The following HS3ST3A1 variants were observed in gnomAD, a reference collection of about 807,000 sequenced individuals.
HS3ST3A1 encodes the protein heparan sulfate glucosamine 3-O-sulfotransferase 3A1.
HS3ST3A1 carries 19 observed loss-of-function variants against 25.7 expected under a neutral mutation model. That is an observed-to-expected ratio of 0.74 (90% CI 0.52 to 1.08). The LOEUF (loss-of-function observed/expected upper bound fraction) is 1.08, where lower values mean the gene tolerates loss of function less well. Among genes scored for constraint, HS3ST3A1 ranks in the 50% least tolerant of loss-of-function variants. HS3ST3A1 has a pLI of 0.00. For synonymous variants in HS3ST3A1, 226 were observed against 278.6 expected (o/e 0.81, Z 1.88); for missense variants, 459 against 594.3 (o/e 0.77, Z 2.37).
chr17:13,523,018 G>GA (rs1384793522), intron 1 of HS3ST3A1, among the ~76,000 whole-genome samples: 1 of 151,468 alleles, frequency 6.6e-6, no homozygotes, highest in African/African-American at 2.4e-5. Context: ...CGAATACTTA[G>GA]AAAAAAAATA....
At chr17:13,529,909 A>G (rs1906550119) in intron 1 of HS3ST3A1, among the ~76,000 whole-genome samples, 1 of 152,176 alleles carries the variant, frequency 6.6e-6, no homozygotes, top group Non-Finnish European at 1.5e-5. Context: ...ATTGTATTAT[A>G]TATTAAGAAT....
In HS3ST3A1 at chr17:13,600,915, G is replaced by A; in HGVS notation, c.215C>T (p.Ala72Val). 1 of 1,527,464 alleles carries A rather than the reference G, an allele frequency of 6.5e-7. No individual in the cohort carries two copies. The highest frequency in any genetic ancestry group is 1.2e-5 in the South Asian group (1 of 82,274). The allele number at this position is 1,527,464 out of a possible 1,614,324, so 94.6% of individuals were successfully genotyped here. A position where few individuals can be genotyped will look rare whatever the true frequency, so the allele number is the denominator to read the frequency against. Residue 72 changes from alanine (A) to valine (V), a missense_variant, in exon 1 of 2, where the codon GCC (alanine) becomes GTC (valine). Coordinates refer to ENST00000284110, the MANE Select transcript of HS3ST3A1 (RefSeq NM_006042.3). ...EAGAPGGGVL[A>V]GGPRELAVWP... is the part of the protein sequence containing the mutation. ...CACCGCCAGCTCCCTCGGGCCTCCG[G>A]CCAGGACGCCGCCACCAGGGGCCCC...
intron 1 of HS3ST3A1, among the ~76,000 whole-genome samples, chr17:13,573,536 ATCTGATGATTCTTCCTCTCCAG>A (rs1907871917): frequency 6.6e-6 from 1 of 152,186 alleles, no homozygotes; most frequent in South Asian, 2.1e-4. Flanking sequence ...AGAAATCGAA[ATCTGATGATTCTTCCTCTCCAG>A]TCTTTCCTGG....
chr17:13,571,828 C>A (rs892390804), intron 1 of HS3ST3A1, among the ~76,000 whole-genome samples: 1 of 152,152 alleles, frequency 6.6e-6, no homozygotes, highest in Non-Finnish European at 1.5e-5. Flanking sequence ...GGCATGATCT[C>A]GGCTCACTGC....
intron 1 of HS3ST3A1, among the ~76,000 whole-genome samples, chr17:13,556,681 G>A (rs112736475): frequency 1.1e-4 from 16 of 151,574 alleles, no homozygotes; most frequent in African/African-American, 3.6e-4. Context: ...GTGAAACCCT[G>A]TCTCTACTAA....
chr17:13,595,098 C>T (rs1338667302), intron 1 of HS3ST3A1, among the ~76,000 whole-genome samples: 1 of 151,910 alleles, frequency 6.6e-6, no homozygotes, highest in Non-Finnish European at 1.5e-5. Flanking sequence ...TCTCTTTTCA[C>T]ATTTATTGTC....
chr17:13,520,757 GGCAC>G (rs1265744510), intron 1 of HS3ST3A1, among the ~76,000 whole-genome samples: 3 of 151,954 alleles, frequency 2.0e-5, no homozygotes, highest in African/African-American at 7.3e-5. Context: ...TGGGATTACA[GGCAC>G]CCACCAGGCC....
chr17:13,519,543 AATG>A lies in HS3ST3A1; in HGVS notation c.600-22728_600-22726del, dbSNP rs747391490. 7.5e-3 allele frequency among the ~76,000 whole-genome samples: 1,140 copies of A among 151,942 alleles called. 5 individuals are homozygous for A. The highest frequency in any genetic ancestry group is 0.016 in the African/African-American group (659 of 41,456). On this transcript the variant is annotated intron_variant, in intron 1 of 1. Transcript: ENST00000284110. ...ATAAGCTGAAAGTGCTTAGAATAGC[AATG>A]ATGATGATGATGATGATGATGGTGA...
At chr17:13,526,452 A>T (rs1254097626) in intron 1 of HS3ST3A1, among the ~76,000 whole-genome samples, 1 of 133,450 alleles carries the variant, frequency 7.5e-6, no homozygotes, top group African/African-American at 2.8e-5. Context: ...TGCCATATTG[A>T]ACTTGGATAC....
chr17:13,524,917 G>T (rs1361195225), intron 1 of HS3ST3A1, among the ~76,000 whole-genome samples: 3 of 152,062 alleles, frequency 2.0e-5, no homozygotes, highest in Admixed American at 1.3e-4. Flanking sequence ...CTACATAAAG[G>T]TTCATAAATA....
intron 1 of HS3ST3A1, among the ~76,000 whole-genome samples, chr17:13,538,115 C>T (rs186033257): frequency 6.6e-6 from 1 of 152,322 alleles, no homozygotes; most frequent in East Asian, 1.9e-4. Context: ...CACATCATCT[C>T]TATAGTGTTT....
chr17:13,600,376 G>GAAGGC (rs1555543761), intron 1 of HS3ST3A1, among the ~76,000 whole-genome samples, 155 bp downstream of exon 1: 3 of 152,186 alleles, frequency 2.0e-5, no homozygotes, highest in Non-Finnish European at 4.4e-5. Context: ...CCAGGAAGGA[G>GAAGGC]AAGGCGGAGA....
chr17:13,499,144 CAG>C (rs1258811980), intron 1 of HS3ST3A1, among the ~76,000 whole-genome samples: 2 of 152,128 alleles, frequency 1.3e-5, no homozygotes, highest in Admixed American at 6.5e-5. Flanking sequence ...ACGTGAACAC[CAG>C]AGAGTTTGGT....
rs530395896 is a variant in HS3ST3A1 at position 13,596,259 on chromosome 17, A to T, written c.599+4272T>A. Among the ~76,000 whole-genome samples, 7 of 152,182 alleles carry T rather than the reference A, an allele frequency of 4.6e-5. No homozygotes were observed. In the East Asian group the frequency reaches 1.4e-3, roughly 30 times the overall value. The stretch of plus-strand genomic sequence containing the variant: ...GTTTTTGGTGTTGTTTAATGCCCGG[A>T]CTATGATCTCAATAGTGTCCCCAAA... On this transcript the variant is annotated intron_variant, in intron 1 of 1. Coordinates refer to ENST00000284110, the MANE Select transcript of HS3ST3A1 (RefSeq NM_006042.3).
intron 1 of HS3ST3A1, among the ~76,000 whole-genome samples, chr17:13,510,494 G>T (rs967326155): frequency 7.2e-5 from 11 of 152,252 alleles, no homozygotes; most frequent in African/African-American, 2.4e-4. Context: ...GTTGTTGGTT[G>T]TTTGTTCATT....
chr17:13,543,417 AT>A (rs11395087), intron 1 of HS3ST3A1: 19 of 163,262 alleles, frequency 1.2e-4, no homozygotes, highest in East Asian at 2.0e-4. Context: ...GAGAAAAAAT[AT>A]TTTTTTTTCT....
chr17:13,601,215 G>A lies in HS3ST3A1; in HGVS notation c.-86C>T. Reference sequence around the variant, plus strand: ...GCCAGAGCATCCCCCCGGCGGGCCAGCGCGCTGGACGGAGGCCACATCGCC... The same window carrying A: ...GCCAGAGCATCCCCCCGGCGGGCCAACGCGCTGGACGGAGGCCACATCGCC... On this transcript the variant is annotated 5_prime_UTR_variant, in exon 1 of 2. Transcript: ENST00000284110. The A allele has an allele frequency of 9.3e-7, 1 of 1,080,304 alleles. No homozygotes were observed. Among genetic ancestry groups the A allele is most frequent in the Non-Finnish European group, 1.3e-6 (1 of 795,496 alleles). The allele number at this position is 1,080,304 out of a possible 1,614,324, so 66.9% of individuals were successfully genotyped here. A position where few individuals can be genotyped will look rare whatever the true frequency, so the allele number is the denominator to read the frequency against.
chr17:13,524,327 G>A (rs1045374477), intron 1 of HS3ST3A1, among the ~76,000 whole-genome samples: 17 of 152,090 alleles, frequency 1.1e-4, no homozygotes, highest in African/African-American at 2.7e-4. Context: ...ACATGATCTC[G>A]GCTCACTGCA....
At chr17:13,585,295 G>C (rs1362918034) in intron 1 of HS3ST3A1, among the ~76,000 whole-genome samples, 17 of 139,692 alleles carry the variant, frequency 1.2e-4, no homozygotes, top group African/African-American at 4.3e-4. Context: ...TGCCTCCCGG[G>C]TTCAAGCGAT....
Sources: gnomAD v4.1 joint callset for allele counts (sites outside exome capture counted in the v4.1 genomes callset) on GRCh38, gnomAD v4.1.1 for gene constraint, MANE v1.5 for transcripts, NCBI Gene and HGNC (gene_info 2026-07-23, HGNC 2026-07-21) for gene names.